Variants in WFS1 observed in about 807,000 individuals in gnomAD.
WFS1 encodes wolframin ER transmembrane glycoprotein, also known as wolframin.
A neutral mutation model predicts 68.5 loss-of-function variants in WFS1; 90 were observed. The ratio of observed to expected loss-of-function variants is 1.31; its 90% CI spans 1.11 to 1.56. The LOEUF (loss-of-function observed/expected upper bound fraction) is 1.56. Ranked by LOEUF, WFS1 falls within the 40% of genes most tolerant of loss-of-function variation. The pLI, the probability that WFS1 is intolerant of heterozygous loss-of-function variation, is 0.00. For missense variants in WFS1, 1,767 were observed against 1,232.6 expected (o/e 1.43, Z -6.49); for synonymous variants, 860 against 540.7 (o/e 1.59, Z -8.19).
chr4:6,277,628 C>A lies in WFS1; in HGVS notation c.173C>A (p.Ala58Glu), dbSNP rs369671890. 2 of 1,571,074 alleles carry A rather than the reference C, an allele frequency of 1.3e-6. No homozygotes were observed. The highest frequency in any genetic ancestry group is 2.3e-5 in the South Asian group (2 of 85,450). ...CCTGGCCCTGGTGTTAGAGACGCAG[C>A]GGCCCCCGCTGAACCCCAGGCCCAG... ...AGPGPGVRDA[A>E]APAEPQAQHT... The change falls in exon 2 of 8, where the codon GCG (alanine) becomes GAG (glutamate). Residue 58 changes from alanine (A) to glutamate (E), a missense_variant. Coordinates refer to ENST00000226760, the MANE Select transcript of WFS1 (RefSeq NM_006005.3).
rs377209139 is a variant in WFS1, at chr4:6,289,088, C to T, written c.417C>T (p.Arg139=). 16 of 1,585,518 alleles carry T rather than the reference C, an allele frequency of 1.0e-5. No homozygotes were observed. Among genetic ancestry groups the T allele is most frequent in the Middle Eastern group, 1.7e-4 (1 of 6,024 alleles). Reference sequence around the variant, plus strand: ...TCCTCGCCGCGAAGCAGGGCCGTCGCGAGGCTGTGAAGCTGCTTCGCCGGT... The same window carrying T: ...TCCTCGCCGCGAAGCAGGGCCGTCGTGAGGCTGTGAAGCTGCTTCGCCGGT... ...WLVLAAKQGR[R]EAVKLLRRCL... The change falls in exon 4 of 8, where the codon CGC becomes CGT. Residue 139 remains arginine (R), a synonymous_variant. Transcript: ENST00000226760.
At chr4:6,300,279 C>T (rs1413525309) in intron 7 of WFS1, among the ~76,000 whole-genome samples, 1 of 152,188 alleles carries the variant, frequency 6.6e-6, no homozygotes, top group African/African-American at 2.4e-5. Flanking sequence ...AGACAGGCAT[C>T]TCAGGGCTCC....
intron 4 of WFS1, among the ~76,000 whole-genome samples, chr4:6,290,989 G>T (rs11732208): frequency 2.6e-5 from 4 of 151,900 alleles, no homozygotes; most frequent in Admixed American, 1.3e-4. Flanking sequence ...GCGTCTGGTG[G>T]GAGACCAGTC....
chr4:6,296,325 TGAGCCCCCC>T (rs1315109889), intron 7 of WFS1, among the ~76,000 whole-genome samples: 2 of 152,320 alleles, frequency 1.3e-5, no homozygotes, highest in South Asian at 2.1e-4. Flanking sequence ...GGTCTGAGTG[TGAGCCCCCC>T]GAGTGCCCAG....
rs139223980 is a variant in WFS1, at chr4:6,302,249, C to T, written c.2454C>T (p.Arg818=). 24 of 1,605,164 alleles carry T rather than the reference C, an allele frequency of 1.5e-5. No homozygotes were observed. Among genetic ancestry groups the T allele is most frequent in the African/African-American group, 2.7e-5 (2 of 74,792 alleles). Residue 818 remains arginine, a synonymous_variant, in exon 8 of 8, where the codon CGC becomes CGT. Coordinates refer to ENST00000226760, the MANE Select transcript of WFS1 (RefSeq NM_006005.3). ...SEFKSVLLSL[R]QGSLIEFSTI... Reference sequence around the variant, plus strand: ...TCAAGAGCGTGCTGCTCAGCCTGCGCCAGGGCAGCCTCATCGAGTTCAGCA... The same window carrying T: ...TCAAGAGCGTGCTGCTCAGCCTGCGTCAGGGCAGCCTCATCGAGTTCAGCA...
Position 6,302,166 on chromosome 4 carries a change from C to A in WFS1, c.2371C>A (p.Arg791Ser). 6.2e-7 allele frequency: 1 copy of A among 1,612,708 alleles called. No homozygotes were observed. Among genetic ancestry groups the A allele is most frequent in the Non-Finnish European group, 8.5e-7 (1 of 1,179,968 alleles). Residue 791 changes from arginine (R) to serine (S), a missense_variant, in exon 8 of 8, where the codon CGC becomes AGC. Physicochemically the swap from Arg to Ser is moderately radical, Grantham distance 110 (BLOSUM62 -1). Transcript: ENST00000226760. Reference protein sequence around the residue: ...MPFSSGADGSRSREEDDVTKD... With the variant: ...MPFSSGADGSSSREEDDVTKD... ...ATTCAGCAGCGGCGCTGACGGCTCG[C>A]GCAGCCGCGAGGAGGACGACGTCAC...
chr4:6,301,563 A>G lies in WFS1; in HGVS notation c.1768A>G (p.Thr590Ala). Residue 590 changes from threonine (T) to alanine (A), a missense_variant, in exon 8 of 8, where the codon ACG becomes GCG. Thr to Ala is a moderately conservative substitution (Grantham distance 58). Coordinates refer to ENST00000226760, the MANE Select transcript of WFS1 (RefSeq NM_006005.3). The stretch of plus-strand genomic sequence containing the variant: ...CGTGCTGCAGTTCGCCCGGTGGTTC[A>G]CGTCTCTGGAGCTCACCAAGATCGC... ...VGVLQFARWF[T>A]SLELTKIAVT... 1 of 1,613,996 alleles carries G rather than the reference A, an allele frequency of 6.2e-7. No individual in the cohort carries two copies. Among genetic ancestry groups the G allele is most frequent in the Non-Finnish European group, 8.5e-7 (1 of 1,180,018 alleles).
intron 7 of WFS1, 96 bp from the exon 8 acceptor site, chr4:6,300,561 C>A (rs547595790): frequency 6.4e-7 from 1 of 1,574,526 alleles, no homozygotes; most frequent in African/African-American, 1.3e-5. Context: ...GTGCGGGTTC[C>A]TTTTGCCCAG....
intron 7 of WFS1, among the ~76,000 whole-genome samples, chr4:6,298,361 C>G (rs948645766): frequency 6.6e-6 from 1 of 152,250 alleles, no homozygotes. Context: ...GAAATGCCCT[C>G]AAACCCTGTA....
intron 7 of WFS1, among the ~76,000 whole-genome samples, chr4:6,296,731 T>C (rs1730649529): frequency 6.6e-6 from 1 of 152,268 alleles, no homozygotes; most frequent in Admixed American, 6.5e-5. Context: ...AGTACTATTA[T>C]AATAATGCCT....
chr4:6,292,683 G>A (rs1299537584), intron 6 of WFS1, among the ~76,000 whole-genome samples: 1 of 152,172 alleles, frequency 6.6e-6, no homozygotes, highest in Admixed American at 6.5e-5. Flanking sequence ...ACAGGCAGGA[G>A]GCTTGGGGGC....
rs561005597 is a variant in WFS1 at position 6,287,760 on chromosome 4, C to T, written c.315+585C>T. 7.2e-5 allele frequency among the ~76,000 whole-genome samples: 11 copies of T among 152,262 alleles called. No homozygotes were observed. Among genetic ancestry groups the T allele is most frequent in the South Asian group, 2.1e-4 (1 of 4,818 alleles). ...GGGAGAAGCCAGCAGAACGCTGAGA[C>T]GGGAGGTGGCAGGGGGTCCTGTGTC... On this transcript the variant is annotated intron_variant, in intron 3 of 7. Transcript: ENST00000226760. This position sits in a 1 kb window ranked among gnomAD's most constrained non-coding sequence, Gnocchi z 6.4.
In WFS1 at chr4:6,301,472, C is replaced by T. The variant is rs1730909381; in HGVS notation, c.1677C>T (p.Ala559=). ...CCACCGGCCTGGGGCTGCTCCGCGC[C>T]TCCATCGGCTACTTCCTCTTCCTCT... ...LESTGLGLLR[A]SIGYFLFLFA... is the part of the protein sequence containing the mutation. Residue 559 remains alanine, a synonymous_variant, in exon 8 of 8, where the codon GCC becomes GCT. Coordinates refer to ENST00000226760, the MANE Select transcript of WFS1 (RefSeq NM_006005.3). 1.9e-6 allele frequency: 3 copies of T among 1,612,972 alleles called. No individual in the cohort carries two copies. The highest frequency in any genetic ancestry group is 1.7e-6 in the Non-Finnish European group (2 of 1,180,032).
Position 6,295,241 on chromosome 4 carries a change from G to T in WFS1, c.861+52G>T, listed in dbSNP as rs753057726. On this transcript the variant is annotated intron_variant, in intron 7 of 7. Transcript: ENST00000226760. The stretch of plus-strand genomic sequence containing the variant: ...CGGAGCCTGCCTCCCAAGGACTCGC[G>T]CACCTCAGGCAGGGCACCTTCCAGG... 3 of 1,605,552 alleles carry T rather than the reference G, an allele frequency of 1.9e-6. No homozygotes were observed. The South Asian group carries it at 3.3e-5, about 18-fold the overall frequency.
rs201145164 is a variant in WFS1, at chr4:6,291,204, G to A, written c.468G>A (p.Thr156=). ...CCACATCCTATCCCTCAGGCATCACGTCCGAGAACGAACGGGAGGTGAGGC... is the reference window on the plus strand; with the variant it reads ...CCACATCCTATCCCTCAGGCATCACATCCGAGAACGAACGGGAGGTGAGGC... ...RRCLADRRGI[T]SENEREVRQL... The change falls in exon 5 of 8, where the codon ACG becomes ACA. Residue 156 remains threonine, a synonymous_variant. Transcript: ENST00000226760. 43 of 1,612,260 alleles carry A rather than the reference G, an allele frequency of 2.7e-5. No homozygotes were observed. The highest frequency in any genetic ancestry group is 1.3e-4 in the East Asian group (6 of 44,876).
At position 6,302,384 on chromosome 4, in the gene WFS1, C is replaced by G. The variant is rs71524393; in HGVS notation, c.2589C>G (p.Ile863Met). Residue 863 changes from isoleucine to methionine, a missense_variant, in exon 8 of 8, where the codon ATC (isoleucine) becomes ATG (methionine). By Grantham distance (10) the Ile-to-Met change is conservative (BLOSUM62 1). Transcript: ENST00000226760. ...QLSPTRRHVKIEHDWRSTVHG... is the reference protein window; with the variant it reads ...QLSPTRRHVKMEHDWRSTVHG... ...CACCCACCAGGCGGCACGTGAAGAT[C>G]GAGCACGACTGGCGCAGCACCGTGC... 49 of 1,613,050 alleles carry G rather than the reference C, an allele frequency of 3.0e-5. No individual in the cohort carries two copies. The highest frequency in any genetic ancestry group is 2.0e-4 in the Admixed American group (12 of 60,008).
intron 1 of WFS1, among the ~76,000 whole-genome samples, chr4:6,272,329 G>C (rs1361932784): frequency 6.6e-6 from 1 of 152,184 alleles, no homozygotes; most frequent in Non-Finnish European, 1.5e-5. Flanking sequence ...TGTGGTGGGG[G>C]CTTGGCCACT....
chr4:6,298,822 C>G (rs1218869467), intron 7 of WFS1, among the ~76,000 whole-genome samples: 1 of 152,230 alleles, frequency 6.6e-6, no homozygotes, highest in Non-Finnish European at 1.5e-5. Context: ...TGCCATTCAC[C>G]TGGGATCCCT....
chr4:6,291,128 G>A, intron 4 of WFS1, 69 bp from the exon 5 acceptor site: 1 of 1,562,272 alleles, frequency 6.4e-7, no homozygotes, highest in Non-Finnish European at 8.8e-7. Flanking sequence ...GGCAGAGTTG[G>A]CAGGGTCAGA....
Sources: gnomAD v4.1 joint callset for allele counts (sites outside exome capture counted in the v4.1 genomes callset) on GRCh38, gnomAD v4.1.1 for gene constraint, Gnocchi (gnomAD v3.1) non-coding constraint, MANE v1.5 for transcripts, NCBI Gene and HGNC (gene_info 2026-07-23, HGNC 2026-07-21) for gene names.